The following CCDC171 variants were observed in gnomAD, a reference collection of about 807,000 sequenced individuals.
The protein encoded by CCDC171 is coiled-coil domain containing 171, also known as coiled-coil domain-containing protein 171.
CCDC171 carries 177 observed loss-of-function variants against 168.2 expected under a neutral mutation model. That is an observed-to-expected ratio of 1.05 (90% CI 0.93 to 1.19). The LOEUF (loss-of-function observed/expected upper bound fraction) is 1.19, where lower values mean the gene tolerates loss of function less well. Among genes scored for constraint, CCDC171 ranks in the 50% most tolerant of loss-of-function variants. The pLI, the probability that CCDC171 is intolerant of heterozygous loss-of-function variation, is 0.00. For missense variants in CCDC171, 1,991 were observed against 1,539.0 expected, an observed-to-expected ratio of 1.29 and a Z score of -4.91; for synonymous variants, 687 against 540.8, an observed-to-expected ratio of 1.27 and a Z score of -3.75.
intron 11 of CCDC171, among the ~76,000 whole-genome samples, chr9:15,713,298 A>G (rs868862321): frequency 3.0e-5 from 4 of 131,806 alleles, no homozygotes; most frequent in South Asian, 5.4e-4. Context: ...ATACAGAACC[A>G]TCTATAAACC....
chr9:15,565,971 C>G (rs1029153962), intron 2 of CCDC171, among the ~76,000 whole-genome samples: 1 of 152,216 alleles, frequency 6.6e-6, no homozygotes, highest in African/African-American at 2.4e-5. Flanking sequence ...TATATTATCA[C>G]TAGCAATAAT....
chr9:15,729,833 G>T (rs780270337), intron 16 of CCDC171, 35 bp downstream of exon 16: 3 of 1,566,738 alleles, frequency 1.9e-6, no homozygotes, highest in Non-Finnish European at 1.7e-6. Flanking sequence ...TAAAAAATGG[G>T]TTACTCAGTG....
At chr9:15,986,122 A>T (rs1027880596) in intron 3 of CCDC171, among the ~76,000 whole-genome samples, 5 of 152,364 alleles carry the variant, frequency 3.3e-5, no homozygotes, top group Non-Finnish European at 5.9e-5. Context: ...ATGATTGTGA[A>T]ATCTGGGCCT....
intron 4 of CCDC171, chr9:15,587,625 G>A (rs576705424): frequency 4.4e-6 from 2 of 456,568 alleles, no homozygotes; most frequent in Non-Finnish European, 8.8e-6. Context: ...CAATAAATGA[G>A]CCATCCAGAT....
In CCDC171 at chr9:15,971,670, C is replaced by T; in HGVS notation, c.3815C>T (p.Thr1272Ile). Residue 1272 changes from threonine (T) to isoleucine (I), a missense_variant, in exon 26 of 26, where the codon ACA becomes ATA. By Grantham distance (89) the Thr-to-Ile change is moderately conservative (BLOSUM62 -1). Coordinates refer to ENST00000380701, the MANE Select transcript of CCDC171 (RefSeq NM_173550.4). Reference sequence around the variant, plus strand: ...TCAAGAGCTCCTCTTCCTGCTGACACAACTGGTATTGGGGATTTCTTACCA... The same window carrying T: ...TCAAGAGCTCCTCTTCCTGCTGACATAACTGGTATTGGGGATTTCTTACCA... Reference protein sequence around the residue: ...IPSRAPLPADTTGIGDFLPLK... With the variant: ...IPSRAPLPADITGIGDFLPLK... The T allele has an allele frequency of 6.2e-7, 1 of 1,613,868 alleles. No homozygotes were observed. Among genetic ancestry groups the T allele is most frequent in the Non-Finnish European group, 8.5e-7 (1 of 1,179,866 alleles).
intron 1 of CCDC171, among the ~76,000 whole-genome samples, chr9:16,052,102 G>C (rs1833759191): frequency 6.6e-6 from 1 of 152,298 alleles, no homozygotes; most frequent in South Asian, 2.1e-4. Context: ...TTCAAGATGA[G>C]ATTTGGGTGG....
intron 21 of CCDC171, among the ~76,000 whole-genome samples, chr9:15,801,273 C>G (rs1022207085): frequency 6.6e-5 from 10 of 151,822 alleles, no homozygotes; most frequent in African/African-American, 1.7e-4. Flanking sequence ...TATTTTTGCA[C>G]TCTTTTCCAT....
chr9:15,609,123 G>A (rs1488506029), intron 6 of CCDC171, among the ~76,000 whole-genome samples: 1 of 148,280 alleles, frequency 6.7e-6, no homozygotes, highest in East Asian at 2.0e-4. Context: ...TTTTGGACAC[G>A]GAGTCTCGCT....
At chr9:15,563,276 T>A (rs1455552889) in intron 1 of CCDC171, among the ~76,000 whole-genome samples, 4 of 151,936 alleles carry the variant, frequency 2.6e-5, no homozygotes, top group Admixed American at 6.6e-5. Flanking sequence ...GTAGCTGGGA[T>A]TACAGGCATG....
chr9:15,845,905 C>T (rs1420086953), intron 21 of CCDC171, among the ~76,000 whole-genome samples: 1 of 152,012 alleles, frequency 6.6e-6, no homozygotes, highest in Admixed American at 6.6e-5. Flanking sequence ...TGATTCTAAG[C>T]CTTCAGTGTA....
At chr9:15,809,009 G>C (rs997312837) in intron 21 of CCDC171, among the ~76,000 whole-genome samples, 3 of 152,110 alleles carry the variant, frequency 2.0e-5, no homozygotes, top group Non-Finnish European at 4.4e-5. Flanking sequence ...GGAGCTCTTT[G>C]GGCCTTATTT....
intron 7 of CCDC171, among the ~76,000 whole-genome samples, chr9:15,639,441 A>C (rs1299033637): frequency 1.3e-5 from 2 of 152,122 alleles, no homozygotes; most frequent in Non-Finnish European, 2.9e-5. Flanking sequence ...CATGTTAATC[A>C]GAATTTGCGA....
intron 7 of CCDC171, among the ~76,000 whole-genome samples, chr9:15,640,461 C>A (rs2046521631): frequency 6.6e-6 from 1 of 151,974 alleles, no homozygotes; most frequent in Middle Eastern, 3.4e-3. Flanking sequence ...ATACGAGGCC[C>A]CTTATGTAAA....
chr9:15,894,795 C>G (rs1290228792), intron 24 of CCDC171, among the ~76,000 whole-genome samples: 1 of 152,086 alleles, frequency 6.6e-6, no homozygotes, highest in South Asian at 2.1e-4. Flanking sequence ...TTCTCTCATT[C>G]CTTACTAAAA....
chr9:16,049,696 C>CA (rs1833719817), intron 1 of CCDC171, among the ~76,000 whole-genome samples: 1 of 152,140 alleles, frequency 6.6e-6, no homozygotes, highest in Non-Finnish European at 1.5e-5. Flanking sequence ...GCCACACTAC[C>CA]AGCATCCCCG....
intron 7 of CCDC171, among the ~76,000 whole-genome samples, chr9:15,632,066 A>G (rs1234074203): frequency 6.6e-6 from 1 of 152,158 alleles, no homozygotes; most frequent in Non-Finnish European, 1.5e-5. Context: ...CCAATATCAT[A>G]CTAAATGGGC....
intron 6 of CCDC171, among the ~76,000 whole-genome samples, chr9:16,028,396 A>G (rs12379466): frequency 0.37 from 56,238 of 152,076 alleles, 12,280 homozygotes; most frequent in East Asian, 0.63. Flanking sequence ...AAAGCAGACC[A>G]AAGTAGATCT....
At chr9:15,611,497 A>G (rs954660556) in intron 6 of CCDC171, among the ~76,000 whole-genome samples, 1 of 152,196 alleles carries the variant, frequency 6.6e-6, no homozygotes. Context: ...TTCCCTAGAA[A>G]GAAATCTTTC....
chr9:16,037,209 T>A (rs188862807), intron 8 of CCDC171, among the ~76,000 whole-genome samples: 3 of 152,356 alleles, frequency 2.0e-5, no homozygotes, highest in Admixed American at 2.0e-4. Flanking sequence ...TACCCTGAAT[T>A]GATCATTACA....
Sources: gnomAD v4.1 joint callset for allele counts (sites outside exome capture counted in the v4.1 genomes callset) on GRCh38, gnomAD v4.1.1 for gene constraint, MANE v1.5 for transcripts, NCBI Gene and HGNC (gene_info 2026-07-23, HGNC 2026-07-21) for gene names.